PCDHGB4: variants seen among roughly 807,000 people sequenced by gnomAD.
The protein encoded by PCDHGB4 is protocadherin gamma subfamily B, 4, also known as protocadherin gamma-B4.
Under a neutral mutation model 60.5 loss-of-function variants are expected in PCDHGB4, and 38 were observed. That is an observed-to-expected ratio of 0.63 (90% CI 0.48 to 0.82). The LOEUF (loss-of-function observed/expected upper bound fraction) is 0.82. Among genes scored for constraint, PCDHGB4 ranks in the 40% least tolerant of loss-of-function variants. The probability of loss-of-function intolerance (pLI) is 0.00; values close to 1 mark genes in which losing one functional copy is unlikely to be tolerated. For missense variants in PCDHGB4, 1,109 were observed against 1,209.6 expected (o/e 0.92, Z 1.23); for synonymous variants, 456 against 509.7 (o/e 0.89, Z 1.42).
At chr5:141,408,856 G>A (rs750037212) in intron 1 of PCDHGB4, 1 of 1,613,518 alleles carries the variant, frequency 6.2e-7, no homozygotes, top group Non-Finnish European at 8.5e-7. Flanking sequence ...TGGACGGAGG[G>A]GACCCACCAA....
At chr5:141,393,592 G>A (rs200863279) in intron 1 of PCDHGB4, 127 of 1,613,790 alleles carry the variant, frequency 7.9e-5, no homozygotes, top group Non-Finnish European at 1.0e-4. Context: ...CCAGGCACGC[G>A]GCTGCTTACT....
chr5:141,390,723 A>G (rs2092214355), intron 1 of PCDHGB4: 1 of 196,804 alleles, frequency 5.1e-6, no homozygotes, highest in Non-Finnish European at 1.0e-5. Context: ...TAACTAATTT[A>G]ACTGGTATGG....
In PCDHGB4 at chr5:141,485,027, G is replaced by A. The variant is rs1594439784; in HGVS notation, c.2398-9780G>A. ...AATCTACCCCGCCACCAGCAAAAAC[G>A]GCGCGTAACCCTTGCGGCGCCGGCC... is the stretch of plus-strand genomic sequence containing the variant. On this transcript the variant is annotated intron_variant, in intron 1 of 3. Coordinates refer to ENST00000519479, the MANE Select transcript of PCDHGB4 (RefSeq NM_003736.4). The surrounding 1 kb of genome is among the most constrained non-coding windows in gnomAD (Gnocchi z 5.7). 1.5e-6 allele frequency: 1 copy of A among 662,546 alleles called. No individual in the cohort carries two copies. Among genetic ancestry groups the A allele is most frequent in the South Asian group, 1.9e-5 (1 of 53,596 alleles). The allele number at this position is 662,546 out of a possible 1,614,324, so 41.0% of individuals were successfully genotyped here.
intron 1 of PCDHGB4, among the ~76,000 whole-genome samples, chr5:141,484,358 G>A (rs2099595185): frequency 6.6e-6 from 1 of 152,160 alleles, no homozygotes; most frequent in South Asian, 2.1e-4. Flanking sequence ...AGTGTATCTA[G>A]TGTATCACTA....
At chr5:141,409,933 GGT>G in intron 1 of PCDHGB4, 1 of 1,613,354 alleles carries the variant, frequency 6.2e-7, no homozygotes, top group East Asian at 2.2e-5. Flanking sequence ...TCTTCGATAT[GGT>G]ACCTCGCTCT....
chr5:141,389,840 C>T lies in PCDHGB4; in HGVS notation c.1956C>T (p.Leu652=), dbSNP rs2150401266. 1.2e-6 allele frequency: 2 copies of T among 1,614,048 alleles called. No homozygotes were observed. The highest frequency in any genetic ancestry group is 8.5e-7 in the Non-Finnish European group (1 of 1,179,912). ...TGCGTGACGGTGGACAGCCACCACT[C>T]TCGGCCACTGCCACGTTGCACCTGG... is the stretch of plus-strand genomic sequence containing the variant. ...VAVRDGGQPP[L]SATATLHLVF... Residue 652 remains leucine, a synonymous_variant, in exon 1 of 4, where the codon CTC becomes CTT. Transcript: ENST00000519479.
chr5:141,404,533 T>A, intron 1 of PCDHGB4: 2 of 1,613,926 alleles, frequency 1.2e-6, no homozygotes. Flanking sequence ...AGTTTAGAGA[T>A]TTGCAAATGC....
Position 141,410,521 on chromosome 5 carries a change from A to G in PCDHGB4, c.2397+20240A>G, listed in dbSNP as rs201505796. ...ATTTCCTAAAATGCAGTGTGCCCCT[A>G]CATTCCAATGAAGACATGGTTTGCA... is the stretch of plus-strand genomic sequence containing the variant. On this transcript the variant is annotated intron_variant, in intron 1 of 3. Coordinates refer to ENST00000519479, the MANE Select transcript of PCDHGB4 (RefSeq NM_003736.4). 1,940 of 1,613,966 alleles carry G rather than the reference A, an allele frequency of 1.2e-3. 3 individuals are homozygous for G. Among genetic ancestry groups the G allele is most frequent in the Non-Finnish European group, 1.5e-3 (1,760 of 1,179,896 alleles).
At chr5:141,419,959 T>C (rs765017440) in intron 1 of PCDHGB4, 5 of 1,614,104 alleles carry the variant, frequency 3.1e-6, no homozygotes, top group Non-Finnish European at 3.4e-6. Flanking sequence ...CCTTGATTTC[T>C]GTGCTCTTTC....
chr5:141,408,796 A>G (rs2154540634), intron 1 of PCDHGB4: 1 of 1,612,808 alleles, frequency 6.2e-7, no homozygotes, highest in Non-Finnish European at 8.5e-7. Context: ...CTCTGGAGAA[A>G]CTCCTAGACC....
At chr5:141,468,160 G>C (rs2099158881) in intron 1 of PCDHGB4, among the ~76,000 whole-genome samples, 1 of 151,468 alleles carries the variant, frequency 6.6e-6, no homozygotes, top group African/African-American at 2.4e-5. Context: ...CCCTGTCTCT[G>C]CTAAAAATAG....
At chr5:141,409,538 A>G (rs772375542) in intron 1 of PCDHGB4, 5 of 1,613,844 alleles carry the variant, frequency 3.1e-6, no homozygotes, top group Non-Finnish European at 4.2e-6. Flanking sequence ...CGCTGACATC[A>G]ACGACAACGC....
rs62378448 is a variant in PCDHGB4, at chr5:141,400,064, G to C, written c.2397+9783G>C. On this transcript the variant is annotated intron_variant, in intron 1 of 3. Transcript: ENST00000519479. ...CTGCTGGTTGCTGTGCGTGATGGTG[G>C]ACAGCCGCCACTCTCCGCCACCGCC... The C allele has an allele frequency of 7.6e-4, 1,225 of 1,613,770 alleles. No homozygotes were observed. The highest frequency in any genetic ancestry group is 9.7e-4 in the Non-Finnish European group (1,150 of 1,179,858).
Position 141,511,107 on chromosome 5 carries a change from G to A in PCDHGB4, c.2706G>A (p.Arg902=), listed in dbSNP as rs2099883608. 1 of 1,614,220 alleles carries A rather than the reference G, an allele frequency of 6.2e-7. No homozygotes were observed. Among genetic ancestry groups the A allele is most frequent in the Non-Finnish European group, 8.5e-7 (1 of 1,180,020 alleles). Residue 902 remains arginine, a synonymous_variant, in exon 4 of 4, where the codon CGG becomes CGA. Coordinates refer to ENST00000519479, the MANE Select transcript of PCDHGB4 (RefSeq NM_003736.4). Reference sequence around the variant, plus strand: ...CACTGACCAACGCAGCTGGCAAGCGGGATGGCAAGGCCCCAGCAGGTGGCA... The same window carrying A: ...CACTGACCAACGCAGCTGGCAAGCGAGATGGCAAGGCCCCAGCAGGTGGCA... The part of the protein sequence containing the change: ...NATLTNAAGK[R]DGKAPAGGNG...
chr5:141,477,312 T>G lies in PCDHGB4; in HGVS notation c.2398-17495T>G. On this transcript the variant is annotated intron_variant, in intron 1 of 3. Coordinates refer to ENST00000519479, the MANE Select transcript of PCDHGB4 (RefSeq NM_003736.4). This position sits in a 1 kb window ranked among gnomAD's most constrained non-coding sequence, Gnocchi z 4.9. ...GTTCCACCGGGTCTCCCTTTCAGCC[T>G]TACTTCTTCCCTCAAGAATTACTTC... The G allele has an allele frequency of 1.2e-6, 2 of 1,614,162 alleles. No individual in the cohort carries two copies. The highest frequency in any genetic ancestry group is 1.7e-6 in the Non-Finnish European group (2 of 1,180,032).
chr5:141,418,081 C>T lies in PCDHGB4; in HGVS notation c.2397+27800C>T, dbSNP rs190197904. On this transcript the variant is annotated intron_variant, in intron 1 of 3. Transcript: ENST00000519479. Reference sequence around the variant, plus strand: ...TGCGAGTGAGCGCGGAGAAGCTGCACTTCAGCGTAGACGCGCAGAGCGGGG... The same window carrying T: ...TGCGAGTGAGCGCGGAGAAGCTGCATTTCAGCGTAGACGCGCAGAGCGGGG... 331 of 1,614,072 alleles carry T rather than the reference C, an allele frequency of 2.1e-4. 3 individuals are homozygous for T. The African/African-American group carries it at 4.0e-3, about 19-fold the overall frequency.
At chr5:141,456,217 A>G (rs1328039447) in intron 1 of PCDHGB4, among the ~76,000 whole-genome samples, 1 of 152,064 alleles carries the variant, frequency 6.6e-6, no homozygotes, top group East Asian at 1.9e-4. Context: ...CCCTGTGGCG[A>G]TATCAAACTA....
At chr5:141,406,346 G>T (rs1296474677) in intron 1 of PCDHGB4, among the ~76,000 whole-genome samples, 2 of 152,092 alleles carry the variant, frequency 1.3e-5, no homozygotes, top group Non-Finnish European at 2.9e-5. Flanking sequence ...ATTTATTCAG[G>T]TCATACTATG....
At chr5:141,415,709 C>A in intron 1 of PCDHGB4, 1 of 1,092,276 alleles carries the variant, frequency 9.2e-7, no homozygotes, top group Non-Finnish European at 1.3e-6. Context: ...AATGCTAAAA[C>A]ACTGATGAGT....
Sources: allele counts gnomAD v4.1 joint callset (sites outside exome capture counted in the v4.1 genomes callset), GRCh38; gene constraint gnomAD v4.1.1; non-coding constraint Gnocchi (gnomAD v3.1); transcripts MANE v1.5; gene names NCBI Gene and HGNC (gene_info 2026-07-23, HGNC 2026-07-21).